The following TOP2B variants were observed in gnomAD, a reference collection of about 807,000 sequenced individuals.
TOP2B encodes DNA topoisomerase II beta, also known as DNA topoisomerase 2-beta.
Under a neutral mutation model 193.5 loss-of-function variants are expected in TOP2B, and 51 were observed. The observed-to-expected ratio is 0.26, with a 90% CI of 0.21 to 0.33. The LOEUF is 0.33. Ranked by LOEUF, TOP2B falls within the 10% of genes least tolerant of loss-of-function variation. The probability of loss-of-function intolerance (pLI) is 1.00; values close to 1 mark genes in which losing one functional copy is unlikely to be tolerated. For missense variants in TOP2B, 1,378 were observed against 1,909.3 expected, an observed-to-expected ratio of 0.72 and a Z score of 5.19; for synonymous variants, 634 against 635.7, an observed-to-expected ratio of 1.00 and a Z score of 0.04.
At chr3:25,652,363 G>A (rs1703617522) in intron 1 of TOP2B, among the ~76,000 whole-genome samples, 1 of 152,144 alleles carries the variant, frequency 6.6e-6, no homozygotes, top group Non-Finnish European at 1.5e-5. Context: ...TCAACAACAG[G>A]AGAATACACA....
At position 25,616,590 on chromosome 3, in the gene TOP2B, G is replaced by A. The variant is rs906138806; in HGVS notation, c.3352-1004C>T. Among the ~76,000 whole-genome samples the A allele has an allele frequency of 7.2e-5, 11 of 152,058 alleles. No homozygotes were observed. The East Asian group carries it at 2.1e-3, about 29-fold the overall frequency. On this transcript the variant is annotated intron_variant, in intron 25 of 35. Coordinates refer to ENST00000264331, the MANE Select transcript of TOP2B (RefSeq NM_001330700.2). Reference sequence around the variant, plus strand: ...AAGCCACATTAGCCAAATACGGAATGCTATTGTTGAGTTGATAGATGATTA... The same window carrying A: ...AAGCCACATTAGCCAAATACGGAATACTATTGTTGAGTTGATAGATGATTA...
chr3:25,631,232 T>C (rs943508357), intron 10 of TOP2B, among the ~76,000 whole-genome samples: 1 of 152,102 alleles, frequency 6.6e-6, no homozygotes, highest in African/African-American at 2.4e-5. Flanking sequence ...TTAATTTTAT[T>C]AAAATTAACA....
intron 27 of TOP2B, 101 bp from the exon 28 acceptor site, chr3:25,612,810 G>A: frequency 1.2e-6 from 1 of 834,370 alleles, no homozygotes; most frequent in Non-Finnish European, 1.9e-6. Flanking sequence ...ACTCAGTAAA[G>A]AATAAAGCTT....
chr3:25,650,464 T>A (rs1488644842), intron 1 of TOP2B, among the ~76,000 whole-genome samples: 1 of 152,206 alleles, frequency 6.6e-6, no homozygotes, highest in Non-Finnish European at 1.5e-5. Context: ...CTGTTTCATT[T>A]CCTGCTACAA....
Position 25,604,756 on chromosome 3 carries a change from A to C in TOP2B, c.4489+4T>G. ...GCTTAACTCAATCAAATATAAGTAC[A>C]TACCCTTTTTAGCAGCTACCGTTTT... is the stretch of plus-strand genomic sequence containing the variant. On this transcript the variant is annotated splice_donor_region_variant and intron_variant, in intron 33 of 35. Coordinates refer to ENST00000264331, the MANE Select transcript of TOP2B (RefSeq NM_001330700.2). 1 of 1,599,932 alleles carries C rather than the reference A, an allele frequency of 6.3e-7. No homozygotes were observed. The highest frequency in any genetic ancestry group is 1.3e-5 in the African/African-American group (1 of 74,714).
At chr3:25,609,831 G>C in intron 28 of TOP2B, 119 bp from the exon 29 acceptor site, 1 of 986,324 alleles carries the variant, frequency 1.0e-6, no homozygotes, top group Non-Finnish European at 1.4e-6. Flanking sequence ...CAGTGATTCT[G>C]ATGAGGTCCT....
intron 33 of TOP2B, among the ~76,000 whole-genome samples, chr3:25,601,908 T>G (rs1489298882): frequency 1.3e-5 from 2 of 152,004 alleles, no homozygotes; most frequent in Admixed American, 6.6e-5. Context: ...GAGAAAAAAA[T>G]GTATGGGATC....
At chr3:25,659,296 T>C (rs770639712) in intron 1 of TOP2B, among the ~76,000 whole-genome samples, 11 of 152,120 alleles carry the variant, frequency 7.2e-5, no homozygotes, top group Non-Finnish European at 1.2e-4. Context: ...CCTTCAGAAA[T>C]ACCCTTCTAA....
At chr3:25,635,906 A>G in intron 7 of TOP2B, 30 bp downstream of exon 7, 1 of 1,563,908 alleles carries the variant, frequency 6.4e-7, no homozygotes, top group Non-Finnish European at 8.8e-7. Flanking sequence ...AAAATAACAT[A>G]GTATTAAAAC....
intron 14 of TOP2B, 25 bp downstream of exon 14, chr3:25,629,010 A>T: frequency 6.4e-7 from 1 of 1,574,654 alleles, no homozygotes; most frequent in Non-Finnish European, 8.6e-7. Context: ...ACAACAATAT[A>T]AAAATATATT....
rs1012295427 is a variant in TOP2B at position 25,642,186 on chromosome 3, C to T, written c.395+136G>A. The T allele has an allele frequency of 5.0e-5, 25 of 499,678 alleles. No individual in the cohort carries two copies. In the Admixed American group the frequency reaches 5.9e-4, roughly 12 times the overall value. The allele number at this position is 499,678 out of a possible 1,614,324, so 31.0% of individuals were successfully genotyped here. On this transcript the variant is annotated intron_variant, in intron 4 of 35. Coordinates refer to ENST00000264331, the MANE Select transcript of TOP2B (RefSeq NM_001330700.2). ...GACAATAAATGACACAGAAAAGAGG[C>T]AAAAATAACAAAGTCTCAAACAACA...
chr3:25,649,629 C>T (rs1481456554), intron 1 of TOP2B, among the ~76,000 whole-genome samples: 1 of 150,298 alleles, frequency 6.7e-6, no homozygotes, highest in Non-Finnish European at 1.5e-5. Context: ...AAAAACACTG[C>T]CAACCAAGAA....
chr3:25,616,395 T>C (rs1329284320), intron 25 of TOP2B, among the ~76,000 whole-genome samples: 1 of 148,972 alleles, frequency 6.7e-6, no homozygotes, highest in Non-Finnish European at 1.5e-5. Flanking sequence ...AAAAGTTTAC[T>C]TTTGGTAACC....
chr3:25,627,422 A>ATATTTTTTTTTTTTTTTTTTTTT, intron 15 of TOP2B, 126 bp from the exon 16 acceptor site: 1 of 514,326 alleles, frequency 1.9e-6, no homozygotes, highest in Non-Finnish European at 3.4e-6. Context: ...TAAGTGATCA[A>ATATTTTTTTTTTTTTTTTTTTTT]TCTTAATAAG....
At position 25,664,285 on chromosome 3, in the gene TOP2B, C is replaced by T. The variant is rs771779926; in HGVS notation, c.13G>A (p.Gly5Ser). 1.3e-6 allele frequency: 2 copies of T among 1,534,392 alleles called. No individual in the cohort carries two copies. The highest frequency in any genetic ancestry group is 2.0e-5 in the Admixed American group (1 of 50,870). The change falls in exon 1 of 36, where the codon GGT becomes AGT. Residue 5 changes from glycine to serine, a missense_variant. Gly to Ser is a moderately conservative substitution (Grantham distance 56, BLOSUM62 0). Around this residue, in one of 9 missense-constraint regions of TOP2B, gnomAD observed 83 missense variants for 59.3 expected, o/e 1.40. Coordinates refer to ENST00000264331, the MANE Select transcript of TOP2B (RefSeq NM_001330700.2). Reference protein sequence around the residue: MAKSGGCGAGAGVGG... With the variant: MAKSSGCGAGAGVGG... Reference sequence around the variant, plus strand: ...ACGCCGGCTCCCGCGCCGCAGCCACCCGACTTGGCCATGGCGAGTGCCTCC... The same window carrying T: ...ACGCCGGCTCCCGCGCCGCAGCCACTCGACTTGGCCATGGCGAGTGCCTCC...
At chr3:25,646,258 G>A (rs1703413154) in intron 1 of TOP2B, among the ~76,000 whole-genome samples, 1 of 152,150 alleles carries the variant, frequency 6.6e-6, no homozygotes, top group Non-Finnish European at 1.5e-5. Context: ...ATTAACCTAT[G>A]TAGTTAATAA....
At chr3:25,622,969 A>G (rs182205749) in intron 21 of TOP2B, among the ~76,000 whole-genome samples, 29 of 152,084 alleles carry the variant, frequency 1.9e-4, no homozygotes, top group African/African-American at 6.5e-4. Flanking sequence ...GTAGAGATGG[A>G]GTTTCCCCAT....
chr3:25,610,140 G>T (rs914826775), intron 28 of TOP2B, among the ~76,000 whole-genome samples: 2 of 151,846 alleles, frequency 1.3e-5, no homozygotes, highest in African/African-American at 4.8e-5. Flanking sequence ...GGCGGAGATT[G>T]CGGTGAGCCT....
intron 33 of TOP2B, among the ~76,000 whole-genome samples, chr3:25,602,417 A>AAAAAAAAAAAAAAAG (rs1702123776): frequency 3.4e-4 from 24 of 69,824 alleles, no homozygotes; most frequent in East Asian, 1.1e-3. Flanking sequence ...AAAGAAAAAG[A>AAAAAAAAAAAAAAAG]AAAAAAAAAA....
Sources: allele counts gnomAD v4.1 joint callset (sites outside exome capture counted in the v4.1 genomes callset), GRCh38; gene constraint gnomAD v4.1.1; regional missense constraint gnomAD v4.1.1; transcripts MANE v1.5; gene names NCBI Gene and HGNC (gene_info 2026-07-23, HGNC 2026-07-21).